The following PLEKHA5 variants were observed in gnomAD, a reference collection of about 807,000 sequenced individuals.
The protein encoded by PLEKHA5 is pleckstrin homology domain containing A5, also known as pleckstrin homology domain-containing family A member 5.
PLEKHA5 carries 55 observed loss-of-function variants against 181.9 expected under a neutral mutation model. The ratio of observed to expected loss-of-function variants is 0.30; its 90% CI spans 0.24 to 0.38. The LOEUF is 0.38. Ranked by LOEUF, PLEKHA5 falls within the 10% of genes least tolerant of loss-of-function variation. The pLI is 1.00. For missense variants in PLEKHA5, 1,432 were observed against 1,549.5 expected, an observed-to-expected ratio of 0.92 and a Z score of 1.27; for synonymous variants, 535 against 529.4, an observed-to-expected ratio of 1.01 and a Z score of -0.15.
intron 30 of PLEKHA5, among the ~76,000 whole-genome samples, chr12:19,368,421 G>A (rs1035956522): frequency 6.6e-6 from 1 of 152,128 alleles, no homozygotes. Context: ...CTGAGCCCAG[G>A]AGGTTGAGGC....
intron 3 of PLEKHA5, among the ~76,000 whole-genome samples, chr12:19,230,585 A>G (rs1224917269): frequency 6.6e-6 from 1 of 152,152 alleles, no homozygotes; most frequent in Non-Finnish European, 1.5e-5. Context: ...CGCCCCCTCC[A>G]CAGCTGCTGG....
intron 3 of PLEKHA5, among the ~76,000 whole-genome samples, chr12:19,171,434 A>G (rs573364682): frequency 2.4e-4 from 37 of 152,340 alleles, no homozygotes; most frequent in Admixed American, 1.3e-3. Context: ...TGATTTAGCT[A>G]TTCTAAAATT....
rs2089689391 is a variant in PLEKHA5 at position 19,318,353 on chromosome 12, A to C, written c.2119-1668A>C. ...ATGGCTATAAAGGATATATCGCTCT[A>C]AAGTTGTAACTACAGTAGACATTTT... is the stretch of plus-strand genomic sequence containing the variant. On this transcript the variant is annotated intron_variant, in intron 16 of 31. Transcript: ENST00000429027. 2.6e-5 allele frequency among the ~76,000 whole-genome samples: 4 copies of C among 152,208 alleles called. No individual in the cohort carries two copies. The South Asian group carries it at 6.2e-4, about 24-fold the overall frequency.
chr12:19,162,211 G>A (rs1422093614), intron 3 of PLEKHA5, among the ~76,000 whole-genome samples: 2 of 152,048 alleles, frequency 1.3e-5, no homozygotes, highest in Non-Finnish European at 2.9e-5. Context: ...TGTATGTTAG[G>A]GGCTGTCTTC....
chr12:19,145,458 A>C (rs1341396631), intron 3 of PLEKHA5, among the ~76,000 whole-genome samples: 2 of 151,916 alleles, frequency 1.3e-5, no homozygotes, highest in African/African-American at 4.8e-5. Context: ...CCATTTTTCT[A>C]CTGTTCTTTC....
intron 31 of PLEKHA5, among the ~76,000 whole-genome samples, chr12:19,374,323 C>T (rs2079812709): frequency 6.6e-6 from 1 of 151,916 alleles, no homozygotes; most frequent in Non-Finnish European, 1.5e-5. Context: ...AGGGGGTTGC[C>T]GTTGCCAGCG....
rs1397896670 is a variant in PLEKHA5, at chr12:19,283,724, A to G, written c.1758A>G (p.Arg586=). Residue 586 remains arginine (R), a synonymous_variant, in exon 12 of 32, where the codon AGA becomes AGG. Transcript: ENST00000429027. ...GAGGAGATGTGACAATAGACCGCAG[A>G]CACAGGGCCCATCACCCTAAGGTAA... ...IQRGDVTIDR[R]HRAHHPKHVY... 9.3e-6 allele frequency: 15 copies of G among 1,612,758 alleles called. No homozygotes were observed. Among genetic ancestry groups the G allele is most frequent in the Non-Finnish European group, 1.1e-5 (13 of 1,179,064 alleles).
Position 19,159,379 on chromosome 12 carries a change from G to C in PLEKHA5, c.227+26929G>C, listed in dbSNP as rs143112354. Among the ~76,000 whole-genome samples the C allele has an allele frequency of 4.0e-3, 615 of 152,206 alleles. 5 individuals are homozygous for C. The highest frequency in any genetic ancestry group is 0.014 in the African/African-American group (577 of 41,548). ...CACTTGAAACAATGATGTATTCATA[G>C]TCTTAAATATTTTTAAAAGTAGTTA... On this transcript the variant is annotated intron_variant, in intron 3 of 31. Coordinates refer to ENST00000429027, the MANE Select transcript of PLEKHA5 (RefSeq NM_001256470.2).
At chr12:19,346,849 T>C (rs1275925987) in intron 23 of PLEKHA5, 145 bp from the exon 24 acceptor site, 3 of 507,558 alleles carry the variant, frequency 5.9e-6, no homozygotes, top group African/African-American at 5.8e-5. Flanking sequence ...TTTTTGATTT[T>C]ACTTTTCATT....
chr12:19,191,052 G>A (rs922335292), intron 3 of PLEKHA5, among the ~76,000 whole-genome samples: 7 of 151,990 alleles, frequency 4.6e-5, no homozygotes, highest in Middle Eastern at 3.2e-3. Context: ...ACCATGACTC[G>A]CAATAAGAAA....
Position 19,259,750 on chromosome 12 carries a change from G to GA in PLEKHA5, c.538-1186dup, listed in dbSNP as rs1187955818. ...TGGGTGACAGTGTGAGACTGTCTCGGAAAAAAAAAAAAATTGAAGATATCA... is the reference window on the plus strand; with the variant it reads ...TGGGTGACAGTGTGAGACTGTCTCGGAAAAAAAAAAAAAATTGAAGATATCA... On this transcript the variant is annotated intron_variant, in intron 6 of 31. Coordinates refer to ENST00000429027, the MANE Select transcript of PLEKHA5 (RefSeq NM_001256470.2). 3.1e-3 allele frequency among the ~76,000 whole-genome samples: 423 copies of GA among 138,144 alleles called. 3 individuals carry two copies. Among genetic ancestry groups the GA allele is most frequent in the South Asian group, 3.0e-3 (13 of 4,280 alleles). 90.6% of individuals were successfully genotyped at this position (138,144 alleles called of 152,430 possible).
chr12:19,314,454 A>AT (rs2087772184), intron 15 of PLEKHA5, among the ~76,000 whole-genome samples: 1 of 151,952 alleles, frequency 6.6e-6, no homozygotes, highest in Non-Finnish European at 1.5e-5. Context: ...AAATTGTACC[A>AT]TTTTTCTCCT....
intron 20 of PLEKHA5, among the ~76,000 whole-genome samples, chr12:19,333,639 C>T (rs1406316886): frequency 1.5e-5 from 2 of 136,378 alleles, no homozygotes; most frequent in Admixed American, 8.0e-5. Context: ...GATGGAGTCT[C>T]GCACTGTCGC....
At chr12:19,310,224 A>G (rs545402012) in intron 15 of PLEKHA5, among the ~76,000 whole-genome samples, 7 of 152,342 alleles carry the variant, frequency 4.6e-5, no homozygotes, top group African/African-American at 1.7e-4. Flanking sequence ...CTTACACAAT[A>G]TGTAGACTGT....
At chr12:19,135,472 CA>C (rs1395081406) in intron 3 of PLEKHA5, among the ~76,000 whole-genome samples, 3 of 152,086 alleles carry the variant, frequency 2.0e-5, no homozygotes, top group Non-Finnish European at 4.4e-5. Context: ...AAGGAACTCA[CA>C]ATGCCAAGCA....
rs900485136 is a variant in PLEKHA5 at position 19,170,178 on chromosome 12, C to G, written c.227+37728C>G. Among the ~76,000 whole-genome samples, 3 of 152,190 alleles carry G rather than the reference C, an allele frequency of 2.0e-5. No individual in the cohort carries two copies. The South Asian group carries it at 6.2e-4, about 31-fold the overall frequency. ...AATCCCAGTATCTGGAAATGCCTCT[C>G]TTACCTATTTTCATTCGTTGATAAA... On this transcript the variant is annotated intron_variant, in intron 3 of 31. Coordinates refer to ENST00000429027, the MANE Select transcript of PLEKHA5 (RefSeq NM_001256470.2).
At chr12:19,160,605 A>C (rs545991828) in intron 3 of PLEKHA5, among the ~76,000 whole-genome samples, 7 of 152,230 alleles carry the variant, frequency 4.6e-5, no homozygotes, top group Non-Finnish European at 1.0e-4. Flanking sequence ...ATTATAGTTC[A>C]CACATTCATA....
At chr12:19,161,356 G>C (rs1223889100) in intron 3 of PLEKHA5, among the ~76,000 whole-genome samples, 1 of 152,168 alleles carries the variant, frequency 6.6e-6, no homozygotes, top group Admixed American at 6.5e-5. Context: ...ACACTTCAGT[G>C]AATGTCATAA....
At chr12:19,143,072 A>G (rs1357535065) in intron 3 of PLEKHA5, among the ~76,000 whole-genome samples, 1 of 152,168 alleles carries the variant, frequency 6.6e-6, no homozygotes, top group Non-Finnish European at 1.5e-5. Context: ...ATTGTCAGTA[A>G]TGCTGCAGTG....
Sources: gnomAD v4.1 joint callset for allele counts (sites outside exome capture counted in the v4.1 genomes callset) on GRCh38, gnomAD v4.1.1 for gene constraint, MANE v1.5 for transcripts, NCBI Gene and HGNC (gene_info 2026-07-23, HGNC 2026-07-21) for gene names.